Variants in AFDN observed in about 807,000 individuals in gnomAD.
AFDN encodes afadin, adherens junction formation factor.
In AFDN, 68 loss-of-function variants were observed where a neutral mutation model predicts 216.6. That is an observed-to-expected ratio of 0.31 (90% CI 0.26 to 0.38). AFDN has a LOEUF of 0.38. Among genes scored for constraint, AFDN ranks in the 10% least tolerant of loss-of-function variants. The probability of loss-of-function intolerance (pLI) is 1.00; values close to 1 mark genes in which losing one functional copy is unlikely to be tolerated. For synonymous variants in AFDN, 868 were observed against 853.7 expected (o/e 1.02, Z -0.29); for missense variants, 2,136 against 2,342.0 (o/e 0.91, Z 1.82).
In AFDN at chr6:167,962,326, G is replaced by C; in HGVS notation, c.4834-107G>C. Reference sequence around the variant, plus strand: ...CCTGGTATTTTATATTTAACTTTCTGTGTGTGTGTGTTTGTGTATATGTGT... The same window carrying C: ...CCTGGTATTTTATATTTAACTTTCTCTGTGTGTGTGTTTGTGTATATGTGT... On this transcript the variant is annotated intron_variant, in intron 30 of 33. Transcript: ENST00000683244. This position sits in a 1 kb window ranked among gnomAD's most constrained non-coding sequence, Gnocchi z 5.2. 1 of 1,211,120 alleles carries C rather than the reference G, an allele frequency of 8.3e-7. No individual in the cohort carries two copies. The highest frequency in any genetic ancestry group is 1.1e-6 in the Non-Finnish European group (1 of 899,032). The allele number at this position is 1,211,120 out of a possible 1,614,324, so 75.0% of individuals were successfully genotyped here. A position where few individuals can be genotyped will look rare whatever the true frequency, so the allele number is the denominator to read the frequency against.
Position 167,866,421 on chromosome 6 carries a change from G to A in AFDN, c.301+1675G>A, listed in dbSNP as rs138576954. On this transcript the variant is annotated intron_variant, in intron 2 of 33. Coordinates refer to ENST00000683244, the MANE Select transcript of AFDN (RefSeq NM_001386888.1). The stretch of plus-strand genomic sequence containing the variant: ...GGGTTACAGAAACCTTAGCGTCTCA[G>A]TCATTTTTTAATAATGGCACCGCTA... 1.3e-3 allele frequency among the ~76,000 whole-genome samples: 200 copies of A among 152,222 alleles called. 1 individual carries two copies. The highest frequency in any genetic ancestry group is 4.5e-3 in the African/African-American group (186 of 41,494).
chr6:167,969,207 G>C lies in AFDN; in HGVS notation c.5342+9G>C. The C allele has an allele frequency of 1.9e-6, 3 of 1,608,994 alleles. No individual in the cohort carries two copies. The highest frequency in any genetic ancestry group is 3.3e-4 in the Middle Eastern group (2 of 6,056). Reference sequence around the variant, plus strand: ...GAGAAGCGCTCTAAAAGGTATGGACGGTTGCACTAGACGAGGAACTTCATC... The same window carrying C: ...GAGAAGCGCTCTAAAAGGTATGGACCGTTGCACTAGACGAGGAACTTCATC... On this transcript the variant is annotated intron_variant, in intron 33 of 33. Coordinates refer to ENST00000683244, the MANE Select transcript of AFDN (RefSeq NM_001386888.1).
intron 1 of AFDN, among the ~76,000 whole-genome samples, chr6:167,833,535 T>A (rs940190393): frequency 5.3e-5 from 8 of 152,234 alleles, no homozygotes; most frequent in African/African-American, 1.7e-4. Flanking sequence ...TTAAAACTTT[T>A]GGTTCTTCCA....
At chr6:167,870,297 A>T (rs1784653685) in intron 2 of AFDN, 89 bp from the exon 3 acceptor site, 1 of 741,612 alleles carries the variant, frequency 1.3e-6, no homozygotes, top group Non-Finnish European at 2.2e-6. Flanking sequence ...TTTGTCTATA[A>T]AATTAAATGT....
chr6:167,915,487 T>A, intron 19 of AFDN, 54 bp downstream of exon 19: 1 of 1,538,388 alleles, frequency 6.5e-7, no homozygotes. Context: ...AGGCATCTGA[T>A]CTTTATGATG....
At chr6:167,887,524 C>T (rs908438115) in intron 6 of AFDN, among the ~76,000 whole-genome samples, 2 of 151,026 alleles carry the variant, frequency 1.3e-5, no homozygotes, top group South Asian at 2.1e-4. Flanking sequence ...GGCACGATCT[C>T]GGCTCACTGC....
At chr6:167,871,593 G>T (rs957466273) in intron 3 of AFDN, among the ~76,000 whole-genome samples, 4 of 152,266 alleles carry the variant, frequency 2.6e-5, no homozygotes, top group African/African-American at 9.6e-5. Flanking sequence ...TAAAAATAAT[G>T]CATCTCTGTC....
chr6:167,868,827 G>A (rs1053154208), intron 2 of AFDN, among the ~76,000 whole-genome samples: 1 of 144,290 alleles, frequency 6.9e-6, no homozygotes, highest in East Asian at 2.0e-4. Context: ...CAGTGGTGCC[G>A]TCACAGTTCA....
intron 2 of AFDN, among the ~76,000 whole-genome samples, chr6:167,867,980 C>A (rs1056446292): frequency 2.0e-5 from 3 of 152,134 alleles, no homozygotes; most frequent in African/African-American, 7.2e-5. Flanking sequence ...TCTTCCCCTG[C>A]GTGAGGCTGT....
chr6:167,963,274 T>G (rs1330148288), intron 31 of AFDN: 43 of 1,063,264 alleles, frequency 4.0e-5, no homozygotes, highest in Non-Finnish European at 4.6e-5. Context: ...GAAGAGGCTG[T>G]AGCCGTTGAG....
intron 30 of AFDN, among the ~76,000 whole-genome samples, chr6:167,956,799 A>G (rs891374905): frequency 5.3e-5 from 8 of 151,630 alleles, no homozygotes; most frequent in African/African-American, 1.9e-4. Flanking sequence ...CCTCCTCACA[A>G]CCTGACCAAT....
chr6:167,963,357 C>T (rs1267012725), intron 31 of AFDN: 1 of 1,059,662 alleles, frequency 9.4e-7, no homozygotes, highest in East Asian at 5.2e-5. Flanking sequence ...AGCTGCTCTT[C>T]TCTGTTACTT....
intron 11 of AFDN, among the ~76,000 whole-genome samples, chr6:167,901,303 T>C (rs991154021): frequency 1.4e-5 from 2 of 146,006 alleles, no homozygotes; most frequent in African/African-American, 4.9e-5. Flanking sequence ...TTTTTAGGGC[T>C]TTTTTTTGTG....
rs368292883 is a variant in AFDN, at chr6:167,872,351, T to C, written c.552T>C (p.Asp184=). The change falls in exon 4 of 34, where the codon GAT becomes GAC. Residue 184 remains aspartate (D), a synonymous_variant. Transcript: ENST00000683244. The stretch of plus-strand genomic sequence containing the variant: ...CATTGCGACAGGCATCTGATAAAGA[T>C]GATAGACCTTTCCAAGGGGAGGATG... The part of the protein sequence containing the change: ...KEALRQASDK[D]DRPFQGEDVE... 2 of 1,611,326 alleles carry C rather than the reference T, an allele frequency of 1.2e-6. No homozygotes were observed. The highest frequency in any genetic ancestry group is 2.7e-5 in the African/African-American group (2 of 74,638).
At chr6:167,849,511 G>A (rs1031558182) in intron 1 of AFDN, among the ~76,000 whole-genome samples, 1 of 152,016 alleles carries the variant, frequency 6.6e-6, no homozygotes, top group Non-Finnish European at 1.5e-5. Context: ...GTGATTTTGA[G>A]GTTTTTGTTT....
upstream of AFDN, chr6:167,826,791 T>C (rs1779092998): frequency 6.6e-6 from 2 of 302,652 alleles, no homozygotes; most frequent in East Asian, 8.1e-5. Flanking sequence ...CAGCACCTAG[T>C]GGAGCGGCCC....
intron 2 of AFDN, 86 bp downstream of exon 2, chr6:167,864,832 G>A: frequency 7.5e-7 from 1 of 1,329,294 alleles, no homozygotes; most frequent in South Asian, 1.2e-5. Flanking sequence ...GTCATGTCAG[G>A]TTTACTGCTC....
At chr6:167,933,256 A>G (rs1454585765) in intron 23 of AFDN, among the ~76,000 whole-genome samples, 1 of 152,212 alleles carries the variant, frequency 6.6e-6, no homozygotes, top group Non-Finnish European at 1.5e-5. Context: ...TTAATGCCTT[A>G]AGTATGTTCA....
At chr6:167,949,135 A>G (rs989503216) in intron 29 of AFDN, among the ~76,000 whole-genome samples, 1 of 152,228 alleles carries the variant, frequency 6.6e-6, no homozygotes, top group Non-Finnish European at 1.5e-5. Flanking sequence ...TGAGTAGTTA[A>G]GCTGGGGAAC....
Sources: allele counts gnomAD v4.1 joint callset (sites outside exome capture counted in the v4.1 genomes callset), GRCh38; gene constraint gnomAD v4.1.1; non-coding constraint Gnocchi (gnomAD v3.1); transcripts MANE v1.5; gene names NCBI Gene and HGNC (gene_info 2026-07-23, HGNC 2026-07-21).